ANO2: variants seen among roughly 807,000 people sequenced by gnomAD.
ANO2 encodes the protein anoctamin 2, also known as anoctamin-2.
In ANO2, 101 loss-of-function variants were observed where a neutral mutation model predicts 124.2. The observed-to-expected ratio is 0.81, with a 90% CI of 0.69 to 0.96. The LOEUF (loss-of-function observed/expected upper bound fraction) is 0.96. Ranked by LOEUF, ANO2 falls within the 40% of genes least tolerant of loss-of-function variation. The probability of loss-of-function intolerance (pLI) is 0.00; values close to 1 mark genes in which losing one functional copy is unlikely to be tolerated. For synonymous variants in ANO2, 486 were observed against 482.5 expected (o/e 1.01, Z -0.09); for missense variants, 1,293 against 1,274.5 (o/e 1.01, Z -0.22).
chr12:5,816,110 C>T (rs918620436), intron 7 of ANO2, among the ~76,000 whole-genome samples: 16 of 150,740 alleles, frequency 1.1e-4, no homozygotes, highest in African/African-American at 3.4e-4. Context: ...AAAACACCTA[C>T]GATTCCAAAT....
intron 4 of ANO2, among the ~76,000 whole-genome samples, chr12:5,852,922 G>A (rs1252459215): frequency 2.0e-5 from 3 of 150,406 alleles, no homozygotes; most frequent in Non-Finnish European, 3.0e-5. Flanking sequence ...GAGAGAAGAG[G>A]GGGTGGAGGG....
chr12:5,590,764 A>G (rs1435546564), intron 20 of ANO2, among the ~76,000 whole-genome samples: 1 of 152,196 alleles, frequency 6.6e-6, no homozygotes, highest in Non-Finnish European at 1.5e-5. Context: ...CACTAGGCAA[A>G]CTATTTTCTA....
chr12:5,609,982 CATTTATAT>C (rs1944407055), intron 19 of ANO2, among the ~76,000 whole-genome samples: 2 of 129,006 alleles, frequency 1.6e-5, no homozygotes, highest in Non-Finnish European at 3.2e-5. Context: ...TAAATATATG[CATTTATAT>C]ATTTATATAT....
intron 3 of ANO2, among the ~76,000 whole-genome samples, chr12:5,863,854 C>G (rs1233297523): frequency 2.0e-5 from 3 of 152,008 alleles, no homozygotes; most frequent in Non-Finnish European, 4.4e-5. Context: ...ACATTATTTA[C>G]TTAACAATAT....
chr12:5,741,586 C>T (rs1951097055), intron 12 of ANO2, among the ~76,000 whole-genome samples: 1 of 152,078 alleles, frequency 6.6e-6, no homozygotes, highest in Admixed American at 6.5e-5. Context: ...GGAAGTCAGA[C>T]TGAAGGAATG....
chr12:5,789,654 G>A (rs1461271588), intron 10 of ANO2, among the ~76,000 whole-genome samples: 1 of 152,202 alleles, frequency 6.6e-6, no homozygotes, highest in African/African-American at 2.4e-5. Context: ...GGTACTAGAA[G>A]ACAGCAGTCT....
intron 14 of ANO2, among the ~76,000 whole-genome samples, chr12:5,724,711 C>A (rs1044946899): frequency 6.6e-6 from 1 of 152,178 alleles, no homozygotes. Flanking sequence ...CCTCTATCCA[C>A]GGCCTCCTCT....
intron 7 of ANO2, among the ~76,000 whole-genome samples, chr12:5,821,834 T>C (rs896981247): frequency 6.6e-5 from 10 of 152,154 alleles, no homozygotes; most frequent in Non-Finnish European, 1.3e-4. Context: ...GTGGTATATA[T>C]GTGATTGGGC....
intron 4 of ANO2, among the ~76,000 whole-genome samples, chr12:5,852,687 A>C (rs1330208241): frequency 6.6e-6 from 1 of 152,116 alleles, no homozygotes; most frequent in Non-Finnish European, 1.5e-5. Context: ...GAGAGTCGGC[A>C]TGGTAACGAG....
intron 3 of ANO2, among the ~76,000 whole-genome samples, chr12:5,899,014 A>G (rs1939992773): frequency 6.6e-6 from 1 of 152,230 alleles, no homozygotes; most frequent in Non-Finnish European, 1.5e-5. Context: ...TTGAGCCTGT[A>G]AAACCAAGCT....
At position 5,854,147 on chromosome 12, in the gene ANO2, A is replaced by G; in HGVS notation, c.535-6T>C. The G allele has an allele frequency of 6.2e-7, 1 of 1,611,250 alleles. No homozygotes were observed. The highest frequency in any genetic ancestry group is 8.5e-7 in the Non-Finnish European group (1 of 1,177,956). ...ATGGATCCCTGGCTTTTATTCTGCAAGGTACAAAGAAAGAACAAATGGAAA... is the reference window on the plus strand; with the variant it reads ...ATGGATCCCTGGCTTTTATTCTGCAGGGTACAAAGAAAGAACAAATGGAAA... On this transcript the variant is annotated splice_region_variant and splice_polypyrimidine_tract_variant and intron_variant, in intron 3 of 24. Transcript: ENST00000682330.
intron 1 of ANO2, among the ~76,000 whole-genome samples, chr12:5,938,475 C>T (rs117917122): frequency 7.4e-4 from 113 of 152,320 alleles, no homozygotes; most frequent in Middle Eastern, 3.4e-3. Context: ...TCCCAAAGTG[C>T]TGTGATTATA....
chr12:5,676,688 T>C (rs1948259888), intron 14 of ANO2, among the ~76,000 whole-genome samples: 3 of 152,164 alleles, frequency 2.0e-5, no homozygotes, highest in Non-Finnish European at 4.4e-5. Flanking sequence ...TCCTAAGTTT[T>C]TGAAAGTAGA....
chr12:5,944,020 G>A (rs1031297938), intron 1 of ANO2, among the ~76,000 whole-genome samples: 1 of 152,180 alleles, frequency 6.6e-6, no homozygotes, highest in African/African-American at 2.4e-5. Flanking sequence ...GAGTGGCTCT[G>A]GTACCCACAT....
intron 19 of ANO2, among the ~76,000 whole-genome samples, chr12:5,599,932 G>A (rs1471462794): frequency 6.6e-6 from 1 of 152,218 alleles, no homozygotes; most frequent in African/African-American, 2.4e-5. Context: ...TGCCAATGCT[G>A]AGACGGCACC....
rs965741302 is a variant in ANO2, at chr12:5,705,636, A to T, written c.1545+26884T>A. On this transcript the variant is annotated intron_variant, in intron 14 of 24. Coordinates refer to ENST00000682330, the MANE Select transcript of ANO2 (RefSeq NM_001364791.2). ...GTCTAATACTATACAAACAACTATGAATTCTTACAAACCCCAATACTATTG... is the reference window on the plus strand; with the variant it reads ...GTCTAATACTATACAAACAACTATGTATTCTTACAAACCCCAATACTATTG... Among the ~76,000 whole-genome samples, 5 of 152,216 alleles carry T rather than the reference A, an allele frequency of 3.3e-5. No individual in the cohort carries two copies. In the South Asian group the frequency reaches 1.0e-3, roughly 32 times the overall value.
intron 12 of ANO2, among the ~76,000 whole-genome samples, chr12:5,742,405 G>C (rs1951125213): frequency 1.3e-5 from 2 of 150,508 alleles, no homozygotes; most frequent in East Asian, 3.9e-4. Context: ...CCTATGCCAG[G>C]AAGCTCTGGC....
intron 4 of ANO2, among the ~76,000 whole-genome samples, chr12:5,838,635 C>T (rs180703482): frequency 3.7e-4 from 56 of 152,268 alleles, no homozygotes; most frequent in Admixed American, 6.5e-4. Flanking sequence ...TCTCCTTCAC[C>T]GCAAGGCTCA....
intron 10 of ANO2, among the ~76,000 whole-genome samples, chr12:5,761,052 C>T (rs1393586224): frequency 9.0e-6 from 1 of 111,122 alleles, no homozygotes; most frequent in East Asian, 3.0e-4. Flanking sequence ...TTTTGGACCC[C>T]CACAGCAAAA....
Sources: allele counts gnomAD v4.1 joint callset (sites outside exome capture counted in the v4.1 genomes callset), GRCh38; gene constraint gnomAD v4.1.1; transcripts MANE v1.5; gene names NCBI Gene and HGNC (gene_info 2026-07-23, HGNC 2026-07-21).